RIN2: variants seen among roughly 807,000 people sequenced by gnomAD.
RIN2 encodes Ras and Rab interactor 2, also known as RAB5 interacting protein 2.
In RIN2, 36 loss-of-function variants were observed where a neutral mutation model predicts 78.0. That is an observed-to-expected ratio of 0.46 (90% CI 0.35 to 0.61). RIN2 has a LOEUF of 0.61. Among genes scored for constraint, RIN2 ranks in the 20% least tolerant of loss-of-function variants. The probability of loss-of-function intolerance (pLI) is 0.00; values close to 1 mark genes in which losing one functional copy is unlikely to be tolerated. For missense variants in RIN2, 1,087 were observed against 1,159.7 expected (o/e 0.94, Z 0.91); for synonymous variants, 466 against 466.8 (o/e 1.00, Z 0.02).
chr20:19,768,786 C>G (rs1462156147), intron 1 of RIN2, among the ~76,000 whole-genome samples: 2 of 152,170 alleles, frequency 1.3e-5, no homozygotes, highest in African/African-American at 4.8e-5. Flanking sequence ...GAAACCGTCT[C>G]TCCTCTATGT....
intron 2 of RIN2, among the ~76,000 whole-genome samples, chr20:19,809,980 G>A (rs906410109): frequency 2.6e-5 from 4 of 152,032 alleles, no homozygotes; most frequent in Non-Finnish European, 5.9e-5. Context: ...AGAACTCCAG[G>A]TGCTGCAGAA....
intron 2 of RIN2, among the ~76,000 whole-genome samples, chr20:19,806,860 G>T (rs1005608337): frequency 7.6e-6 from 1 of 131,654 alleles, no homozygotes; most frequent in Non-Finnish European, 1.7e-5. Context: ...CTGGGCAACA[G>T]AGTAAGATCC....
At chr20:19,858,049 A>G (rs149588772) in intron 2 of RIN2, among the ~76,000 whole-genome samples, 1 of 152,144 alleles carries the variant, frequency 6.6e-6, no homozygotes, top group East Asian at 1.9e-4. Context: ...TCACTTTTTA[A>G]TGATGTGTTT....
At chr20:19,986,057 G>A (rs1205083713) in intron 9 of RIN2, among the ~76,000 whole-genome samples, 1 of 152,098 alleles carries the variant, frequency 6.6e-6, no homozygotes, top group Admixed American at 6.5e-5. Context: ...TTTTTGTCCA[G>A]GAATTAACGA....
At chr20:19,887,663 C>T (rs1192470577) in intron 2 of RIN2, among the ~76,000 whole-genome samples, 1 of 152,156 alleles carries the variant, frequency 6.6e-6, no homozygotes, top group Non-Finnish European at 1.5e-5. Context: ...TGCTCCAATG[C>T]TGTAGGCAAA....
At chr20:19,865,473 A>G (rs6046384) in intron 2 of RIN2, among the ~76,000 whole-genome samples, 1 of 149,408 alleles carries the variant, frequency 6.7e-6, no homozygotes, top group Non-Finnish European at 1.5e-5. Context: ...TCATTTTAAA[A>G]GTTATACTTT....
chr20:19,841,844 C>A (rs1472932222), intron 2 of RIN2, among the ~76,000 whole-genome samples: 1 of 152,240 alleles, frequency 6.6e-6, no homozygotes, highest in East Asian at 1.9e-4. Context: ...AGGCCATCTG[C>A]AGGTGCCAGT....
intron 9 of RIN2, among the ~76,000 whole-genome samples, chr20:19,987,045 A>T (rs751924701): frequency 6.6e-6 from 1 of 152,156 alleles, no homozygotes; most frequent in African/African-American, 2.4e-5. Flanking sequence ...GCTGTAGGAG[A>T]TACTCTTGTG....
chr20:19,844,598 T>TTCC (rs1195706808), intron 2 of RIN2, among the ~76,000 whole-genome samples: 1 of 64,182 alleles, frequency 1.6e-5, no homozygotes, highest in Non-Finnish European at 3.5e-5. Context: ...CTGCTGCTTC[T>TTCC]TCCTCTTCTT....
chr20:19,845,983 G>C (rs545395707), intron 2 of RIN2, among the ~76,000 whole-genome samples: 1 of 152,240 alleles, frequency 6.6e-6, no homozygotes, highest in African/African-American at 2.4e-5. Context: ...ATTAAATAGG[G>C]AATCCTTTCC....
intron 1 of RIN2, among the ~76,000 whole-genome samples, chr20:19,776,912 C>G (rs1254918414): frequency 6.6e-6 from 1 of 152,150 alleles, no homozygotes; most frequent in East Asian, 1.9e-4. Flanking sequence ...AAGCTGTAGC[C>G]TGACACCTTG....
intron 2 of RIN2, among the ~76,000 whole-genome samples, chr20:19,850,464 C>T (rs1232678125): frequency 6.6e-6 from 1 of 152,180 alleles, no homozygotes; most frequent in Non-Finnish European, 1.5e-5. Context: ...AGCCATGGTC[C>T]TCACAAACCA....
At position 19,848,221 on chromosome 20, in the gene RIN2, A is replaced by AT. The variant is rs1389251150; in HGVS notation, c.-36-41344dup. On this transcript the variant is annotated intron_variant, in intron 2 of 12. Transcript: ENST00000255006. ...CTTTTCATGTACACATTATACTTCA[A>AT]TAAAAAGTTGACTTAAAAAGAGCAG... Among the ~76,000 whole-genome samples the AT allele has an allele frequency of 2.6e-5, 4 of 152,258 alleles. No homozygotes were observed. The East Asian group carries it at 7.7e-4, about 29-fold the overall frequency.
At chr20:19,952,479 T>C (rs2041359468) in intron 4 of RIN2, among the ~76,000 whole-genome samples, 1 of 152,248 alleles carries the variant, frequency 6.6e-6, no homozygotes, top group African/African-American at 2.4e-5. Flanking sequence ...AGTGGCTGGC[T>C]GAATCAAGGT....
chr20:19,758,590 G>A (rs2033483808), intron 1 of RIN2, among the ~76,000 whole-genome samples: 1 of 152,192 alleles, frequency 6.6e-6, no homozygotes, highest in African/African-American at 2.4e-5. Flanking sequence ...CGCTGGTCCC[G>A]GCAGGGTCAC....
Position 19,970,911 on chromosome 20 carries a change from C to A in RIN2, c.610C>A (p.Leu204Met). The A allele has an allele frequency of 1.2e-6, 2 of 1,612,946 alleles. No individual in the cohort carries two copies. Among genetic ancestry groups the A allele is most frequent in the Non-Finnish European group, 1.7e-6 (2 of 1,179,460 alleles). ...TAKSEAQLEE[L>M]AQMGLNFWSS... Reference sequence around the variant, plus strand: ...CAAGTCGGAGGCTCAGCTTGAAGAACTGGCCCAGATGGGACTAAGTAAGTG... The same window carrying A: ...CAAGTCGGAGGCTCAGCTTGAAGAAATGGCCCAGATGGGACTAAGTAAGTG... Residue 204 changes from leucine (L) to methionine (M), a missense_variant, in exon 8 of 13, where the codon CTG becomes ATG. By Grantham distance (15) the Leu-to-Met change is conservative (BLOSUM62 2). Around this residue, in one of 8 missense-constraint regions of RIN2, gnomAD observed 706 missense variants for 667.5 expected, o/e 1.06. Coordinates refer to ENST00000255006, the MANE Select transcript of RIN2 (RefSeq NM_018993.4).
intron 2 of RIN2, among the ~76,000 whole-genome samples, chr20:19,835,317 T>C (rs2036389105): frequency 6.6e-6 from 1 of 152,244 alleles, no homozygotes; most frequent in Non-Finnish European, 1.5e-5. Context: ...TGAATGTGTG[T>C]ATCTATAGGT....
intron 2 of RIN2, among the ~76,000 whole-genome samples, chr20:19,872,755 A>G (rs2037726883): frequency 6.6e-6 from 1 of 152,208 alleles, no homozygotes. Flanking sequence ...ACTTTTTAAA[A>G]ACTACATCAG....
intron 3 of RIN2, among the ~76,000 whole-genome samples, chr20:19,907,141 A>G (rs1003323696): frequency 6.6e-6 from 1 of 152,124 alleles, no homozygotes; most frequent in Non-Finnish European, 1.5e-5. Context: ...AGGGCAGGAG[A>G]GAGAAGGAAA....
Sources: gnomAD v4.1 joint callset for allele counts (sites outside exome capture counted in the v4.1 genomes callset) on GRCh38, gnomAD v4.1.1 for gene constraint, gnomAD v4.1.1 regional missense constraint, MANE v1.5 for transcripts, NCBI Gene and HGNC (gene_info 2026-07-23, HGNC 2026-07-21) for gene names.